CORIN: variants seen among roughly 807,000 people sequenced by gnomAD.
CORIN encodes the protein corin, serine peptidase.
Under a neutral mutation model 125.3 loss-of-function variants are expected in CORIN, and 117 were observed. That is an observed-to-expected ratio of 0.93 (90% CI 0.80 to 1.09). CORIN has a LOEUF of 1.09. Ranked by LOEUF, CORIN falls within the 50% of genes least tolerant of loss-of-function variation. The pLI is 0.00. For missense variants in CORIN, 1,253 were observed against 1,306.7 expected, an observed-to-expected ratio of 0.96 and a Z score of 0.63; for synonymous variants, 450 against 466.4, an observed-to-expected ratio of 0.96 and a Z score of 0.45.
At chr4:47,677,267 C>G (rs75577222) in intron 9 of CORIN, among the ~76,000 whole-genome samples, 1 of 152,046 alleles carries the variant, frequency 6.6e-6, no homozygotes, top group African/African-American at 2.4e-5. Flanking sequence ...AGTAGCAGAC[C>G]GAGGCTTGAT....
At chr4:47,629,011 G>T (rs1047002925) in intron 16 of CORIN, among the ~76,000 whole-genome samples, 4 of 152,130 alleles carry the variant, frequency 2.6e-5, no homozygotes, top group Admixed American at 2.0e-4. Context: ...ACATGAGAGT[G>T]CAGATGTCTT....
chr4:47,798,306 GTGTT>G (rs1731386480), intron 2 of CORIN, among the ~76,000 whole-genome samples: 1 of 152,160 alleles, frequency 6.6e-6, no homozygotes, highest in African/African-American at 2.4e-5. Context: ...TAGTACATCT[GTGTT>G]TGTTAGCATA....
intron 5 of CORIN, among the ~76,000 whole-genome samples, chr4:47,725,577 G>GC (rs1727555667): frequency 6.6e-6 from 1 of 151,654 alleles, no homozygotes; most frequent in African/African-American, 2.4e-5. Flanking sequence ...ATTTGGAAAA[G>GC]GAAAAAAATA....
chr4:47,714,052 G>A (rs1726978161), intron 5 of CORIN, among the ~76,000 whole-genome samples: 1 of 152,116 alleles, frequency 6.6e-6, no homozygotes, highest in Non-Finnish European at 1.5e-5. Flanking sequence ...TTTTACCAAT[G>A]GAACTGGGTT....
chr4:47,716,262 G>A (rs922230138), intron 5 of CORIN, among the ~76,000 whole-genome samples: 2 of 152,096 alleles, frequency 1.3e-5, no homozygotes, highest in African/African-American at 2.4e-5. Context: ...AGTGCTTAGT[G>A]CAAACAACTA....
intron 1 of CORIN, among the ~76,000 whole-genome samples, chr4:47,810,785 G>A (rs1040806183): frequency 6.6e-5 from 10 of 152,040 alleles, no homozygotes; most frequent in East Asian, 5.8e-4. Flanking sequence ...TAGGTGACTC[G>A]CATCTTTAAA....
chr4:47,711,982 A>C lies in CORIN; in HGVS notation c.800-18899T>G, dbSNP rs74335804. 3.3e-5 allele frequency among the ~76,000 whole-genome samples: 5 copies of C among 152,382 alleles called. No individual in the cohort carries two copies. In the East Asian group the frequency reaches 7.7e-4, roughly 23 times the overall value. On this transcript the variant is annotated intron_variant, in intron 5 of 21. Transcript: ENST00000273857. Reference sequence around the variant, plus strand: ...TTGCTACTACGAGAAAGCAGCTTTCATATCTGAAATAACCAATTTGTAAAT... The same window carrying C: ...TTGCTACTACGAGAAAGCAGCTTTCCTATCTGAAATAACCAATTTGTAAAT...
At chr4:47,715,185 GAAAT>G (rs1206750052) in intron 5 of CORIN, among the ~76,000 whole-genome samples, 3 of 152,146 alleles carry the variant, frequency 2.0e-5, no homozygotes, top group Admixed American at 1.3e-4. Flanking sequence ...CTAACCTAAA[GAAAT>G]AAGTAAATAC....
At chr4:47,645,862 G>T (rs1723449432) in intron 13 of CORIN, among the ~76,000 whole-genome samples, 2 of 152,042 alleles carry the variant, frequency 1.3e-5, no homozygotes, top group African/African-American at 2.4e-5. Context: ...CTCCAGCCTG[G>T]GTGACAGAAC....
chr4:47,720,218 A>G (rs1727285612), intron 5 of CORIN, among the ~76,000 whole-genome samples: 3 of 152,176 alleles, frequency 2.0e-5, no homozygotes, highest in African/African-American at 7.2e-5. Context: ...TATTTTTATC[A>G]CTACTTATTC....
At chr4:47,639,220 A>G (rs189680586) in intron 16 of CORIN, among the ~76,000 whole-genome samples, 1 of 152,348 alleles carries the variant, frequency 6.6e-6, no homozygotes, top group Non-Finnish European at 1.5e-5. Flanking sequence ...GAGTGATACA[A>G]CAAATTTATA....
intron 6 of CORIN, 143 bp from the exon 7 acceptor site, chr4:47,683,981 G>T: frequency 5.1e-6 from 3 of 586,732 alleles, no homozygotes; most frequent in South Asian, 4.8e-5. Context: ...TGAGAAGGTG[G>T]CACACAGAGA....
intron 19 of CORIN, among the ~76,000 whole-genome samples, chr4:47,604,304 C>CA (rs1721562458): frequency 6.6e-6 from 1 of 152,194 alleles, no homozygotes; most frequent in Non-Finnish European, 1.5e-5. Flanking sequence ...CTTTGGCTCT[C>CA]AGTCTCCATG....
rs1553905947 is a variant in CORIN, at chr4:47,632,755, A to ATAGATAGG, written c.2199-6235_2199-6234insCCTATCTA. Among the ~76,000 whole-genome samples the ATAGATAGG allele has an allele frequency of 3.4e-3, 408 of 119,948 alleles. 6 individuals carry two copies. The highest frequency in any genetic ancestry group is 0.013 in the African/African-American group (394 of 31,072). The allele number at this position is 119,948 out of a possible 152,430, so 78.7% of individuals were successfully genotyped here. On this transcript the variant is annotated intron_variant, in intron 16 of 21. Transcript: ENST00000273857. ...GATAGATAGATAGATAGATAGATAG[A>ATAGATAGG]TAGATAGATAGAGATAGATAGTTAG... is the stretch of plus-strand genomic sequence containing the variant.
intron 4 of CORIN, among the ~76,000 whole-genome samples, chr4:47,760,575 G>C (rs529710054): frequency 7.2e-5 from 11 of 152,298 alleles, no homozygotes; most frequent in Non-Finnish European, 1.6e-4. Flanking sequence ...GAGTAGAGTA[G>C]ATTTAGCATA....
At chr4:47,783,587 T>C (rs1400626580) in intron 3 of CORIN, among the ~76,000 whole-genome samples, 1 of 152,114 alleles carries the variant, frequency 6.6e-6, no homozygotes, top group Non-Finnish European at 1.5e-5. Flanking sequence ...TGGACTGAAG[T>C]ATATTTAAAT....
chr4:47,836,762 A>AC (rs1733444119), intron 1 of CORIN, among the ~76,000 whole-genome samples: 1 of 152,192 alleles, frequency 6.6e-6, no homozygotes, highest in African/African-American at 2.4e-5. Context: ...AAGCGCGTAC[A>AC]CTGCCATCCA....
intron 3 of CORIN, 75 bp from the exon 4 acceptor site, chr4:47,763,661 T>C (rs1729575458): frequency 2.3e-6 from 3 of 1,321,976 alleles, no homozygotes; most frequent in Admixed American, 1.8e-5. Context: ...TTAATATTTG[T>C]TTATAAGATA....
intron 3 of CORIN, 104 bp from the exon 4 acceptor site, chr4:47,763,690 A>C: frequency 1.0e-6 from 1 of 987,310 alleles, no homozygotes; most frequent in Non-Finnish European, 1.5e-6. Flanking sequence ...TTATCACAAG[A>C]AAAAATTTAG....
Sources: allele counts gnomAD v4.1 joint callset (sites outside exome capture counted in the v4.1 genomes callset), GRCh38; gene constraint gnomAD v4.1.1; transcripts MANE v1.5; gene names NCBI Gene and HGNC (gene_info 2026-07-23, HGNC 2026-07-21).